EFCAB3: variants seen among roughly 807,000 people sequenced by gnomAD.
EFCAB3 encodes the protein EF-hand calcium-binding domain-containing protein 3.
A neutral mutation model predicts 42.2 loss-of-function variants in EFCAB3; 36 were observed. That is an observed-to-expected ratio of 0.85 (90% CI 0.65 to 1.13). The LOEUF (loss-of-function observed/expected upper bound fraction) is 1.13, where lower values mean the gene tolerates loss of function less well. Among genes scored for constraint, EFCAB3 ranks in the 50% most tolerant of loss-of-function variants. The pLI is 0.00. For missense variants in EFCAB3, 418 were observed against 505.1 expected (o/e 0.83, Z 1.65); for synonymous variants, 170 against 172.8 (o/e 0.98, Z 0.13).
intron 3 of EFCAB3, among the ~76,000 whole-genome samples, chr17:62,390,872 T>C (rs1263752442): frequency 6.6e-6 from 1 of 152,232 alleles, no homozygotes; most frequent in Admixed American, 6.5e-5. Flanking sequence ...TCATTTGGGA[T>C]ATATTTTGTT....
chr17:62,384,373 C>T (rs1483783554), intron 2 of EFCAB3, among the ~76,000 whole-genome samples: 2 of 152,212 alleles, frequency 1.3e-5, no homozygotes, highest in Non-Finnish European at 2.9e-5. Context: ...CGGTGGCTCA[C>T]ATCTGTAATC....
At chr17:62,406,920 T>C (rs2070452960) in intron 7 of EFCAB3, 108 bp from the exon 8 acceptor site, 1 of 1,100,654 alleles carries the variant, frequency 9.1e-7, no homozygotes, top group South Asian at 1.6e-5. Context: ...ATGAGGGCCA[T>C]GGCCACTGAG....
intron 6 of EFCAB3, among the ~76,000 whole-genome samples, chr17:62,398,932 A>G (rs1189149317): frequency 6.6e-6 from 1 of 152,166 alleles, no homozygotes; most frequent in Non-Finnish European, 1.5e-5. Context: ...TGAATATGTA[A>G]TAAATGCAAA....
At chr17:62,373,850 G>T (rs1216857697) in exon 2 of EFCAB3, 1 of 1,505,328 alleles carries the variant, frequency 6.6e-7, no homozygotes. Context: ...ATAATGGAGG[G>T]CCTGAAGAAG....
At chr17:62,409,506 T>A (rs1356571610) in intron 8 of EFCAB3, among the ~76,000 whole-genome samples, 1 of 152,132 alleles carries the variant, frequency 6.6e-6, no homozygotes, top group Non-Finnish European at 1.5e-5. Flanking sequence ...GTGAATGCAC[T>A]GCACTCTAGC....
At chr17:62,413,246 CTA>C (rs2070514963) in intron 8 of EFCAB3, among the ~76,000 whole-genome samples, 1 of 151,984 alleles carries the variant, frequency 6.6e-6, no homozygotes, top group Admixed American at 6.6e-5. Context: ...AAAAAATAAC[CTA>C]TATAAAAATG....
rs771865645 is a variant in EFCAB3, at chr17:62,407,113, G to A, written c.768G>A (p.Lys256=). The A allele has an allele frequency of 1.9e-6, 3 of 1,613,358 alleles. No homozygotes were observed. The highest frequency in any genetic ancestry group is 8.5e-7 in the Non-Finnish European group (1 of 1,179,648). Residue 256 remains lysine (K), a synonymous_variant, in exon 8 of 10, where the codon AAG becomes AAA. Transcript: ENST00000305286. ...ATGTGGATGGGGTGGTGATGGGAAA[G>A]CCATTCAAAGACATGCAGAAATTAG... is the stretch of plus-strand genomic sequence containing the variant. The part of the protein sequence containing the change: ...FPNVDGVVMG[K]PFKDMQKLEM...
chr17:62,377,257 A>AT (rs2070158196), upstream of EFCAB3, among the ~76,000 whole-genome samples: 1 of 152,138 alleles, frequency 6.6e-6, no homozygotes, highest in Non-Finnish European at 1.5e-5. Context: ...AGCATTTTCC[A>AT]TGTTTCTGTG....
chr17:62,376,101 A>T (rs759092395), upstream of EFCAB3, among the ~76,000 whole-genome samples: 2 of 152,334 alleles, frequency 1.3e-5, no homozygotes, highest in Non-Finnish European at 2.9e-5. Flanking sequence ...GTTTTAAAGT[A>T]TGTTTCATAT....
upstream of EFCAB3, chr17:62,377,974 G>T (rs2070163500): frequency 6.5e-7 from 1 of 1,548,926 alleles, no homozygotes; most frequent in African/African-American, 1.4e-5. Flanking sequence ...TAAGCAAAAG[G>T]AATGGTGACT....
At chr17:62,380,685 G>T (rs1448541778) in intron 1 of EFCAB3, 72 bp downstream of exon 1, 2 of 788,280 alleles carry the variant, frequency 2.5e-6, no homozygotes, top group Non-Finnish European at 3.1e-6. Context: ...GAGAATTGAA[G>T]GTATTTTTTT....
At chr17:62,410,290 G>A (rs2070483814) in intron 8 of EFCAB3, among the ~76,000 whole-genome samples, 1 of 152,176 alleles carries the variant, frequency 6.6e-6, no homozygotes, top group African/African-American at 2.4e-5. Flanking sequence ...GGGAGGCTGA[G>A]GTGGCTGGAT....
chr17:62,414,261 A>C (rs2070524977), intron 9 of EFCAB3, among the ~76,000 whole-genome samples: 1 of 152,232 alleles, frequency 6.6e-6, no homozygotes, highest in Admixed American at 6.5e-5. Context: ...AAGCTTGAGA[A>C]GATCAATAGT....
At chr17:62,411,886 AAGGAAGGAAGGAAGGAAGGG>A (rs1406302904) in intron 8 of EFCAB3, among the ~76,000 whole-genome samples, 1,771 of 66,554 alleles carry the variant, frequency 0.027, 71 homozygotes, top group East Asian at 0.067. Flanking sequence ...GGAAGGAAGG[AAGGAAGGAAGGAAGGAAGGG>A]AGGGAGGGAG....
chr17:62,377,867 C>T (rs2070162997), upstream of EFCAB3: 14 of 883,414 alleles, frequency 1.6e-5, no homozygotes, highest in Non-Finnish European at 2.2e-5. Flanking sequence ...TTAATTTTTT[C>T]ACTCATCTGG....
chr17:62,402,535 C>G (rs1370763110), intron 6 of EFCAB3, among the ~76,000 whole-genome samples: 4 of 152,142 alleles, frequency 2.6e-5, no homozygotes, highest in Non-Finnish European at 5.9e-5. Context: ...TTTTCTGCAT[C>G]TATTGAGATC....
At chr17:62,405,446 A>C (rs2070439585) in intron 6 of EFCAB3, among the ~76,000 whole-genome samples, 1 of 152,234 alleles carries the variant, frequency 6.6e-6, no homozygotes, top group South Asian at 2.1e-4. Flanking sequence ...AAATCAGCCT[A>C]TGTATTAATG....
At chr17:62,392,739 A>G (rs1210376068) in intron 4 of EFCAB3, among the ~76,000 whole-genome samples, 1 of 151,762 alleles carries the variant, frequency 6.6e-6, no homozygotes, top group Non-Finnish European at 1.5e-5. Context: ...CTGGGTTCAC[A>G]CCATTCTCCT....
chr17:62,380,260 C>A (rs1300128689), upstream of EFCAB3, among the ~76,000 whole-genome samples: 2 of 152,204 alleles, frequency 1.3e-5, no homozygotes, highest in East Asian at 1.9e-4. Flanking sequence ...CCTCGGCCCC[C>A]CAAAGTGCTG....
Sources: allele counts gnomAD v4.1 joint callset (sites outside exome capture counted in the v4.1 genomes callset), GRCh38; gene constraint gnomAD v4.1.1; transcripts MANE v1.5; gene names NCBI Gene and HGNC (gene_info 2026-07-23, HGNC 2026-07-21).